LAMA1: variants seen among roughly 807,000 people sequenced by gnomAD.
The protein encoded by LAMA1 is laminin subunit alpha-1.
Under a neutral mutation model 348.7 loss-of-function variants are expected in LAMA1, and 219 were observed. That is an observed-to-expected ratio of 0.63 (90% CI 0.56 to 0.70). LAMA1 has a LOEUF of 0.70. LAMA1 is among the 30% of genes least tolerant of loss of function. The pLI is 0.00. For synonymous variants in LAMA1, 1,487 were observed against 1,491.0 expected, an observed-to-expected ratio of 1.00 and a Z score of 0.06; for missense variants, 3,744 against 3,888.0, an observed-to-expected ratio of 0.96 and a Z score of 0.99.
chr18:6,952,872 C>T (rs1453912865), intron 57 of LAMA1, among the ~76,000 whole-genome samples: 1 of 150,860 alleles, frequency 6.6e-6, no homozygotes, highest in Non-Finnish European at 1.5e-5. Context: ...CGGATCCACG[C>T]CATGGGAGCC....
chr18:6,970,755 T>C (rs1600359143), intron 48 of LAMA1, among the ~76,000 whole-genome samples: 1 of 151,932 alleles, frequency 6.6e-6, no homozygotes, highest in African/African-American at 2.4e-5. Flanking sequence ...TGGGACTACA[T>C]GCATGTGCCA....
chr18:6,970,999 C>T (rs1470828997), intron 48 of LAMA1, among the ~76,000 whole-genome samples: 3 of 152,120 alleles, frequency 2.0e-5, no homozygotes, highest in Non-Finnish European at 2.9e-5. Context: ...AAAATTCACC[C>T]GTGAGTTTCT....
chr18:7,085,660 C>G (rs28392893), intron 1 of LAMA1, among the ~76,000 whole-genome samples: 1 of 151,960 alleles, frequency 6.6e-6, no homozygotes, highest in African/African-American at 2.4e-5. Flanking sequence ...CTTCCTGATC[C>G]GCCCGCCTCA....
intron 51 of LAMA1, among the ~76,000 whole-genome samples, chr18:6,963,511 G>T (rs1356121061): frequency 6.6e-6 from 1 of 152,194 alleles, no homozygotes; most frequent in Non-Finnish European, 1.5e-5. Flanking sequence ...AAGATACCTG[G>T]CAAAGAGAAG....
At chr18:7,048,358 G>A (rs980079489) in intron 5 of LAMA1, among the ~76,000 whole-genome samples, 1 of 152,150 alleles carries the variant, frequency 6.6e-6, no homozygotes, top group African/African-American at 2.4e-5. Flanking sequence ...ACAGTGTGTA[G>A]TGCAGCCAGA....
At chr18:6,958,355 CATT>C (rs2057590119) in intron 55 of LAMA1, 119 bp downstream of exon 55, 1 of 991,358 alleles carries the variant, frequency 1.0e-6, no homozygotes, top group East Asian at 2.4e-5. Context: ...GGGGTTCACT[CATT>C]ATTTGGGAAT....
chr18:6,995,968 C>T (rs989335493), intron 33 of LAMA1, among the ~76,000 whole-genome samples: 24 of 151,936 alleles, frequency 1.6e-4, no homozygotes, highest in Admixed American at 6.6e-4. Flanking sequence ...TTAAAGAAAA[C>T]GGACAAGTGG....
rs202184749 is a variant in LAMA1, at chr18:6,974,964, G to A, written c.6562C>T (p.Arg2188Cys). The A allele has an allele frequency of 4.2e-5, 68 of 1,614,022 alleles. No homozygotes were observed. The highest frequency in any genetic ancestry group is 1.7e-4 in the Admixed American group (10 of 60,008). The stretch of plus-strand genomic sequence containing the variant: ...ATGGGAAAGTCTGGAAACTCCAAGC[G>A]TGTGGACCCGGAGCCCAGGTCCCAC... Reference protein sequence around the residue: ...FLWDLGSGSTRLEFPDFPIDD... With the variant: ...FLWDLGSGSTCLEFPDFPIDD... The change falls in exon 46 of 63, where the codon CGC (arginine) becomes TGC (cysteine). Residue 2188 changes from arginine to cysteine, a missense_variant. Transcript: ENST00000389658.
chr18:7,073,588 T>A (rs1296960042), intron 3 of LAMA1, among the ~76,000 whole-genome samples: 3 of 152,152 alleles, frequency 2.0e-5, no homozygotes, highest in African/African-American at 7.2e-5. Context: ...GTGTCAAAAT[T>A]TCATTCCTTT....
Position 6,943,180 on chromosome 18 carries a change from C to G in LAMA1, c.9067G>C (p.Ala3023Pro). 1 of 1,613,956 alleles carries G rather than the reference C, an allele frequency of 6.2e-7. No homozygotes were observed. The highest frequency in any genetic ancestry group is 2.2e-5 in the East Asian group (1 of 44,884). Residue 3023 changes from alanine to proline, a missense_variant and splice_region_variant, in exon 62 of 63, where the codon GCT becomes CCT. Physicochemically the swap from Ala to Pro is conservative, Grantham distance 27. Around this residue, in one of 3 missense-constraint regions of LAMA1, gnomAD observed 232 missense variants for 264.4 expected, o/e 0.88. Transcript: ENST00000389658. ...NNPIYVGGYP[A>P]GVKQKCLRSQ... ...TGGAAGAGCAGGTACCCGTACATAC[C>G]AGGATAGCCACCAACATAAATGGGA... is the stretch of plus-strand genomic sequence containing the variant.
At position 6,948,551 on chromosome 18, in the gene LAMA1, G is replaced by A; in HGVS notation, c.8562C>T (p.Thr2854=). 1.2e-6 allele frequency: 2 copies of A among 1,614,178 alleles called. No individual in the cohort carries two copies. Among genetic ancestry groups the A allele is most frequent in the Non-Finnish European group, 1.7e-6 (2 of 1,180,040 alleles). The change falls in exon 60 of 63, where the codon ACC becomes ACT. Residue 2854 remains threonine (T), a synonymous_variant. Coordinates refer to ENST00000389658, the MANE Select transcript of LAMA1 (RefSeq NM_005559.4). Reference sequence around the variant, plus strand: ...CCCCAATGCAGGCAGGGATGCTGTGGGTGATCTAAGCCAAATGACATGCAA... The same window carrying A: ...CCCCAATGCAGGCAGGGATGCTGTGAGTGATCTAAGCCAAATGACATGCAA... ...QYQARKIGNI[T]HSIPACIGDV...
In LAMA1 at chr18:7,050,809, T is replaced by A; in HGVS notation, c.473A>T (p.Glu158Val). ...AGTTATATTGTAACGAGACAAACACTCTGAGTCGCTGACTGCATAATACTG... is the reference window on the plus strand; with the variant it reads ...AGTTATATTGTAACGAGACAAACACACTGAGTCGCTGACTGCATAATACTG... Reference protein sequence around the residue: ...PWQYYAVSDSECLSRYNITPR... With the variant: ...PWQYYAVSDSVCLSRYNITPR... Residue 158 changes from glutamate to valine, a missense_variant, in exon 4 of 63, where the codon GAG (glutamate) becomes GTG (valine). By Grantham distance (121) the Glu-to-Val change is moderately radical. Coordinates refer to ENST00000389658, the MANE Select transcript of LAMA1 (RefSeq NM_005559.4). 1 of 1,614,178 alleles carries A rather than the reference T, an allele frequency of 6.2e-7. No homozygotes were observed. The highest frequency in any genetic ancestry group is 2.2e-5 in the East Asian group (1 of 44,888).
At chr18:7,107,700 T>C (rs149364721) in intron 1 of LAMA1, among the ~76,000 whole-genome samples, 1,972 of 152,294 alleles carry the variant, frequency 0.013, 49 homozygotes, top group African/African-American at 0.045. Flanking sequence ...AAGGAAATAC[T>C]ATTCTCCTCT....
intron 1 of LAMA1, among the ~76,000 whole-genome samples, chr18:7,094,416 G>C (rs1034787968): frequency 8.3e-6 from 1 of 120,986 alleles, no homozygotes; most frequent in African/African-American, 3.5e-5. Context: ...GACAGAGCAA[G>C]ACTCCGTCTC....
intron 23 of LAMA1, among the ~76,000 whole-genome samples, chr18:7,013,054 G>A (rs182369195): frequency 7.2e-4 from 110 of 151,904 alleles, no homozygotes; most frequent in Non-Finnish European, 1.3e-3. Flanking sequence ...CCAGCTACTC[G>A]GGAGGCTGAG....
chr18:7,057,726 G>A (rs1365014650), intron 3 of LAMA1, among the ~76,000 whole-genome samples: 9 of 150,742 alleles, frequency 6.0e-5, no homozygotes, highest in Non-Finnish European at 1.2e-4. Flanking sequence ...TGATCCACCC[G>A]CCTTGGCCTC....
intron 43 of LAMA1, 93 bp downstream of exon 43, chr18:6,978,103 G>A: frequency 6.6e-7 from 1 of 1,516,866 alleles, no homozygotes; most frequent in Non-Finnish European, 9.2e-7. Flanking sequence ...TACTTTTCAG[G>A]AATGTTGTGA....
chr18:6,946,729 A>G (rs2057523422), intron 61 of LAMA1, among the ~76,000 whole-genome samples: 1 of 152,148 alleles, frequency 6.6e-6, no homozygotes. Context: ...CAAAAAGAAA[A>G]AAAATGCATA....
intron 47 of LAMA1, chr18:6,972,210 A>AT (rs1354566564): frequency 2.0e-6 from 1 of 506,190 alleles, no homozygotes; most frequent in African/African-American, 1.9e-5. Flanking sequence ...CATCTCAGTG[A>AT]CTAGGGTTGA....
Sources: gnomAD v4.1 joint callset for allele counts (sites outside exome capture counted in the v4.1 genomes callset) on GRCh38, gnomAD v4.1.1 for gene constraint, gnomAD v4.1.1 regional missense constraint, MANE v1.5 for transcripts, NCBI Gene and HGNC (gene_info 2026-07-23, HGNC 2026-07-21) for gene names.